Variants in DAB1 observed in about 807,000 individuals in gnomAD.
The protein encoded by DAB1 is disabled homolog 1.
Under a neutral mutation model 64.6 loss-of-function variants are expected in DAB1, and 15 were observed. The ratio of observed to expected loss-of-function variants is 0.23; its 90% CI spans 0.16 to 0.36. The LOEUF is 0.36. Ranked by LOEUF, DAB1 falls within the 10% of genes least tolerant of loss-of-function variation. DAB1 has a pLI of 1.00. For synonymous variants in DAB1, 235 were observed against 251.9 expected, an observed-to-expected ratio of 0.93 and a Z score of 0.64; for missense variants, 596 against 706.7, an observed-to-expected ratio of 0.84 and a Z score of 1.78.
At chr1:58,539,241 T>C in intron 1 of DAB1, 1 of 870,588 alleles carries the variant, frequency 1.1e-6, no homozygotes, top group Non-Finnish European at 2.0e-6. Flanking sequence ...GTGAATTAAA[T>C]CGGAAGAAAA....
chr1:57,572,875 T>A (rs1645208895), intron 7 of DAB1, among the ~76,000 whole-genome samples: 1 of 151,334 alleles, frequency 6.6e-6, no homozygotes, highest in African/African-American at 2.4e-5. Context: ...AGAGACAGAG[T>A]GAAGGGAAAG....
intron 2 of DAB1, among the ~76,000 whole-genome samples, chr1:57,236,138 G>A (rs1225942141): frequency 3.3e-5 from 5 of 152,348 alleles, no homozygotes; most frequent in Non-Finnish European, 7.3e-5. Flanking sequence ...GGCTTTTACG[G>A]AGTTCATTAA....
At chr1:57,668,303 CA>C (rs1413687328) in intron 6 of DAB1, among the ~76,000 whole-genome samples, 2 of 152,040 alleles carry the variant, frequency 1.3e-5, no homozygotes, top group African/African-American at 4.8e-5. Flanking sequence ...TTCTATTGAA[CA>C]GCACTGTTCT....
intron 4 of DAB1, among the ~76,000 whole-genome samples, chr1:57,097,149 G>C (rs150124179): frequency 4.7e-4 from 72 of 152,282 alleles, no homozygotes; most frequent in African/African-American, 1.7e-3. Context: ...TTAATAAAAG[G>C]AGTAAAGAAT....
intron 1 of DAB1, among the ~76,000 whole-genome samples, chr1:57,420,597 C>T (rs1005455641): frequency 2.0e-5 from 3 of 152,222 alleles, no homozygotes; most frequent in Admixed American, 6.5e-5. Flanking sequence ...CAATCCTGGT[C>T]TTCCAATTCC....
At chr1:58,216,224 C>A (rs1020028784) in intron 4 of DAB1, among the ~76,000 whole-genome samples, 3 of 151,938 alleles carry the variant, frequency 2.0e-5, no homozygotes, top group Non-Finnish European at 4.4e-5. Flanking sequence ...GTTCCCCCGA[C>A]TGTGTTCACG....
intron 5 of DAB1, among the ~76,000 whole-genome samples, chr1:57,951,565 C>T (rs945249703): frequency 6.6e-6 from 1 of 151,908 alleles, no homozygotes; most frequent in Non-Finnish European, 1.5e-5. Context: ...TATGGCACTT[C>T]CTAGCAGCAG....
At chr1:57,781,118 CTCTCTCTCTATATA>C (rs1336623449) in intron 6 of DAB1, among the ~76,000 whole-genome samples, 25 of 54,534 alleles carry the variant, frequency 4.6e-4, no homozygotes, top group Non-Finnish European at 6.4e-4. Context: ...CTCTCTCTCT[CTCTCTCTCTATATA>C]TATATATATA....
chr1:57,889,959 T>A (rs1294593845), intron 5 of DAB1, among the ~76,000 whole-genome samples: 2 of 149,908 alleles, frequency 1.3e-5, no homozygotes, highest in East Asian at 3.9e-4. Flanking sequence ...TGGCTGATGA[T>A]CATTCAGAGC....
intron 2 of DAB1, among the ~76,000 whole-genome samples, chr1:57,187,902 C>T (rs155303): frequency 0.24 from 37,003 of 151,886 alleles, 5,422 homozygotes; most frequent in Middle Eastern, 0.34. Context: ...GAGAGAGAGA[C>T]CCCGCAAGGA....
chr1:57,253,048 C>T (rs1669471816), intron 2 of DAB1, among the ~76,000 whole-genome samples: 2 of 152,150 alleles, frequency 1.3e-5, no homozygotes, highest in African/African-American at 2.4e-5. Context: ...TCATTCCACC[C>T]TACTGCAGTG....
chr1:57,834,702 A>G (rs1278007540), intron 1 of DAB1, among the ~76,000 whole-genome samples: 1 of 151,714 alleles, frequency 6.6e-6, no homozygotes, highest in Admixed American at 6.6e-5. Context: ...TATATTATAT[A>G]TGTACAACTA....
chr1:57,860,035 C>A (rs1653938856), intron 1 of DAB1, among the ~76,000 whole-genome samples: 1 of 152,086 alleles, frequency 6.6e-6, no homozygotes, highest in African/African-American at 2.4e-5. Context: ...TTATTATTGT[C>A]CCCATGGTAT....
rs561777131 is a variant in DAB1 at position 57,123,868 on chromosome 1, C to CA, written c.306+12674dup. ...GTAAACAAGAATGGTGATATATACA[C>CA]AAAAAAATCTTGATTGGGTTTATAT... On this transcript the variant is annotated intron_variant, in intron 4 of 14. Coordinates refer to ENST00000371236, the MANE Select transcript of DAB1 (RefSeq NM_001365792.1). Among the ~76,000 whole-genome samples the CA allele has an allele frequency of 2.0e-3, 298 of 152,154 alleles. 1 individual carries two copies. The highest frequency in any genetic ancestry group is 6.8e-3 in the African/African-American group (283 of 41,520).
At chr1:57,280,441 T>A (rs1319698374) in intron 2 of DAB1, among the ~76,000 whole-genome samples, 2 of 152,110 alleles carry the variant, frequency 1.3e-5, no homozygotes, top group South Asian at 2.1e-4. Flanking sequence ...AATAATGAAA[T>A]CCCATCCTCT....
In DAB1 at chr1:58,049,920, A is replaced by G. The variant is rs185748353; in HGVS notation, n.387+100591T>C. ...GGAAAGAAATTATTTTGAAAAAACC[A>G]TTAGTGTTTGAAAAGGGGGCATGCA... On this transcript the variant is annotated intron_variant and non_coding_transcript_variant, in intron 5 of 20. Transcript: ENST00000485760. Among the ~76,000 whole-genome samples the G allele has an allele frequency of 3.0e-3, 456 of 151,818 alleles. 3 individuals are homozygous for G. The highest frequency in any genetic ancestry group is 0.011 in the African/African-American group (436 of 41,368).
intron 5 of DAB1, among the ~76,000 whole-genome samples, chr1:57,926,778 G>C (rs777668200): frequency 6.6e-6 from 1 of 152,166 alleles, no homozygotes; most frequent in African/African-American, 2.4e-5. Context: ...ATGGGACATT[G>C]AATCTTCTCA....
At chr1:58,097,914 C>T (rs1393087165) in intron 5 of DAB1, among the ~76,000 whole-genome samples, 2 of 152,142 alleles carry the variant, frequency 1.3e-5, no homozygotes, top group East Asian at 3.8e-4. Flanking sequence ...GGCACAAGAC[C>T]CTAGCTGTCT....
chr1:57,598,382 T>C (rs565939738), intron 7 of DAB1, among the ~76,000 whole-genome samples: 1 of 152,364 alleles, frequency 6.6e-6, no homozygotes, highest in East Asian at 1.9e-4. Context: ...CCTTGGCAAA[T>C]TACTTAATTT....
Sources: gnomAD v4.1 joint callset for allele counts (sites outside exome capture counted in the v4.1 genomes callset) on GRCh38, gnomAD v4.1.1 for gene constraint, MANE v1.5 for transcripts, NCBI Gene and HGNC (gene_info 2026-07-23, HGNC 2026-07-21) for gene names.